Variants in ATAD1 observed in about 807,000 individuals in gnomAD.
ATAD1 encodes the protein outer mitochondrial transmembrane helix translocase.
A neutral mutation model predicts 42.7 loss-of-function variants in ATAD1; 18 were observed. The ratio of observed to expected loss-of-function variants is 0.42; its 90% CI spans 0.29 to 0.63. The LOEUF (loss-of-function observed/expected upper bound fraction) is 0.63. ATAD1 is among the 20% of genes least tolerant of loss of function. The pLI is 0.19. For missense variants in ATAD1, 294 were observed against 440.4 expected, an observed-to-expected ratio of 0.67 and a Z score of 2.98; for synonymous variants, 132 against 143.1, an observed-to-expected ratio of 0.92 and a Z score of 0.55.
intron 2 of ATAD1, among the ~76,000 whole-genome samples, chr10:87,809,117 T>C (rs1434492480): frequency 1.3e-5 from 2 of 152,208 alleles, no homozygotes; most frequent in Non-Finnish European, 2.9e-5. Flanking sequence ...GTTTTAGAAA[T>C]GCATATTTTT....
chr10:87,774,868 G>A (rs944442402), intron 6 of ATAD1, among the ~76,000 whole-genome samples: 3 of 152,000 alleles, frequency 2.0e-5, no homozygotes, highest in Admixed American at 6.6e-5. Flanking sequence ...CAGGAGAATC[G>A]CTTGAGCCCA....
At chr10:87,767,351 T>C (rs1419339167) in intron 8 of ATAD1, among the ~76,000 whole-genome samples, 1 of 152,092 alleles carries the variant, frequency 6.6e-6, no homozygotes, top group Non-Finnish European at 1.5e-5. Flanking sequence ...TTGGGGATGA[T>C]TCAAGTGCAT....
At chr10:87,776,700 C>A (rs1308093967) in intron 5 of ATAD1, among the ~76,000 whole-genome samples, 1 of 151,948 alleles carries the variant, frequency 6.6e-6, no homozygotes, top group African/African-American at 2.4e-5. Flanking sequence ...GAACTCCTGG[C>A]CTCAAGTGAT....
intron 2 of ATAD1, among the ~76,000 whole-genome samples, chr10:87,799,053 G>C (rs1856553801): frequency 6.6e-6 from 1 of 151,850 alleles, no homozygotes; most frequent in Non-Finnish European, 1.5e-5. Context: ...ACTTCATCAG[G>C]AAAAAAGAGA....
At chr10:87,817,817 G>A (rs1444261932) in intron 1 of ATAD1, 2 of 985,338 alleles carry the variant, frequency 2.0e-6, no homozygotes, top group East Asian at 2.3e-4. Context: ...AGCCGCCTTC[G>A]TCTAGGTTCG....
At chr10:87,755,533 T>G (rs1246338932) in intron 9 of ATAD1, among the ~76,000 whole-genome samples, 2 of 152,096 alleles carry the variant, frequency 1.3e-5, no homozygotes, top group South Asian at 4.1e-4. Flanking sequence ...AGCAAAAAAA[T>G]AGATCTTTCA....
upstream of ATAD1, among the ~76,000 whole-genome samples, chr10:87,820,099 C>A (rs1318757557): frequency 6.6e-6 from 1 of 151,820 alleles, no homozygotes; most frequent in Non-Finnish European, 1.5e-5. Flanking sequence ...TAAAAACAAA[C>A]AACAACAACA....
chr10:87,789,923 A>AAT (rs1856015453), intron 4 of ATAD1, among the ~76,000 whole-genome samples: 1 of 151,766 alleles, frequency 6.6e-6, no homozygotes, highest in Non-Finnish European at 1.5e-5. Context: ...AAAAAGAATC[A>AAT]TTACATTCTA....
chr10:87,827,792 G>A (rs10887754), intron 1 of ATAD1, among the ~76,000 whole-genome samples: 56,373 of 151,996 alleles, frequency 0.37, 11,038 homozygotes, highest in Non-Finnish European at 0.44. Context: ...AAATGTTTAA[G>A]TGAAAGGAAG....
chr10:87,816,792 C>T (rs1035556748), intron 1 of ATAD1, among the ~76,000 whole-genome samples: 4 of 152,196 alleles, frequency 2.6e-5, no homozygotes, highest in Non-Finnish European at 5.9e-5. Context: ...GTGGGGTATA[C>T]TCACAGAGGA....
rs1161425381 is a variant in ATAD1 at position 87,751,646 on chromosome 10, A to C, written c.*3041T>G. 2 of 152,114 alleles carry C rather than the reference A, an allele frequency of 1.3e-5. No individual in the cohort carries two copies. Among genetic ancestry groups the C allele is most frequent in the Non-Finnish European group, 2.9e-5 (2 of 68,034 alleles). The allele number at this position is 152,114 out of a possible 1,614,324, so 9.4% of individuals were successfully genotyped here. A position where few individuals can be genotyped will look rare whatever the true frequency, so the allele number is the denominator to read the frequency against. ...TTAGCTTTAAAAAAAAGATTAGAGA[A>C]CTCTATCTTTGATAACTAAATCTAT... On this transcript the variant is annotated 3_prime_UTR_variant, in exon 10 of 10. Transcript: ENST00000680024.
chr10:87,794,272 TCTC>T (rs1856273150), intron 2 of ATAD1, among the ~76,000 whole-genome samples: 7 of 152,148 alleles, frequency 4.6e-5, no homozygotes, highest in Admixed American at 4.6e-4. Context: ...ACAGGATACA[TCTC>T]CTGTTTATCT....
At chr10:87,757,803 G>A (rs924998826) in intron 8 of ATAD1, among the ~76,000 whole-genome samples, 5 of 152,098 alleles carry the variant, frequency 3.3e-5, no homozygotes, top group African/African-American at 9.7e-5. Flanking sequence ...ATTCCCATTT[G>A]TATACGTGGA....
upstream of ATAD1, among the ~76,000 whole-genome samples, chr10:87,822,689 A>G (rs1204150116): frequency 1.3e-5 from 2 of 152,168 alleles, no homozygotes; most frequent in Non-Finnish European, 2.9e-5. Context: ...GTACAAAAAT[A>G]CAGTTAGATA....
rs1327240548 is a variant in ATAD1 at position 87,792,755 on chromosome 10, C to T, written c.163G>A (p.Ala55Thr). The T allele has an allele frequency of 1.2e-6, 2 of 1,611,902 alleles. No homozygotes were observed. Among genetic ancestry groups the T allele is most frequent in the Non-Finnish European group, 1.7e-6 (2 of 1,178,402 alleles). The change falls in exon 3 of 10, where the codon GCA becomes ACA. Residue 55 changes from alanine (A) to threonine (T), a missense_variant and splice_region_variant. Ala to Thr is a moderately conservative substitution (Grantham distance 58). Coordinates refer to ENST00000680024, the MANE Select transcript of ATAD1 (RefSeq NM_001321967.2). ...CCAATTTGCTTCATTAGTTTTTCTG[C>T]CTAGAATGAAAAGAACAAACAACCT... is the stretch of plus-strand genomic sequence containing the variant. ...RKQKVEAQKQAEKLMKQIGVK... is the reference protein window; with the variant it reads ...RKQKVEAQKQTEKLMKQIGVK...
upstream of ATAD1, among the ~76,000 whole-genome samples, chr10:87,820,096 AAACAAC>A (rs764228471): frequency 6.6e-6 from 1 of 152,106 alleles, no homozygotes; most frequent in Non-Finnish European, 1.5e-5. Context: ...CATTAAAAAC[AAACAAC>A]AACAACAACA....
intron 1 of ATAD1, among the ~76,000 whole-genome samples, chr10:87,839,648 T>C (rs1234738953): frequency 6.6e-6 from 1 of 152,184 alleles, no homozygotes; most frequent in Non-Finnish European, 1.5e-5. Context: ...GCTTTGTACC[T>C]AAGGCAATTT....
chr10:87,759,254 T>G (rs1254680806), intron 8 of ATAD1, among the ~76,000 whole-genome samples: 1 of 152,172 alleles, frequency 6.6e-6, no homozygotes, highest in East Asian at 1.9e-4. Context: ...TGTTCACATA[T>G]ATTCACGGGA....
chr10:87,781,050 G>A (rs1385221471), intron 5 of ATAD1, among the ~76,000 whole-genome samples: 2 of 152,064 alleles, frequency 1.3e-5, no homozygotes, highest in African/African-American at 2.4e-5. Flanking sequence ...GGTTTTGAAC[G>A]ATCAGACCCC....
Sources: allele counts gnomAD v4.1 joint callset (sites outside exome capture counted in the v4.1 genomes callset), GRCh38; gene constraint gnomAD v4.1.1; transcripts MANE v1.5; gene names NCBI Gene and HGNC (gene_info 2026-07-23, HGNC 2026-07-21).